Variants in PPP1R10 observed in about 807,000 individuals in gnomAD.
PPP1R10 encodes the protein protein phosphatase 1 regulatory subunit 10.
Under a neutral mutation model 99.0 loss-of-function variants are expected in PPP1R10, and 15 were observed. The observed-to-expected ratio is 0.15, with a 90% CI of 0.10 to 0.23. The LOEUF (loss-of-function observed/expected upper bound fraction) is 0.23, where lower values mean the gene tolerates loss of function less well. PPP1R10 is among the 10% of genes least tolerant of loss of function. The pLI is 1.00. For synonymous variants in PPP1R10, 430 were observed against 449.5 expected, an observed-to-expected ratio of 0.96 and a Z score of 0.55; for missense variants, 947 against 1,259.4, an observed-to-expected ratio of 0.75 and a Z score of 3.75.
At position 30,603,277 on chromosome 6, in the gene PPP1R10, T is replaced by A; in HGVS notation, c.1776A>T (p.Pro592=). The part of the protein sequence containing the change: ...QEILTSIMGS[P]NSHPSEELLK... ...GTAGTTCCTCTGAAGGATGACTGTT[T>A]GGGCTACCCTGTGAGGATGTAAGAA... The change falls in exon 17 of 20, where the codon CCA becomes CCT. Residue 592 remains proline, a synonymous_variant. Coordinates refer to ENST00000376511, the MANE Select transcript of PPP1R10 (RefSeq NM_002714.4). The A allele has an allele frequency of 6.2e-7, 1 of 1,613,094 alleles. No homozygotes were observed. The highest frequency in any genetic ancestry group is 1.1e-5 in the South Asian group (1 of 91,048).
chr6:30,603,961 G>A (rs1418153250), intron 14 of PPP1R10, 47 bp downstream of exon 14: 1 of 1,540,304 alleles, frequency 6.5e-7, no homozygotes, highest in Admixed American at 2.1e-5. Flanking sequence ...TCCCTCAGGA[G>A]TGTCCAAGCA....
chr6:30,609,055 A>G lies in PPP1R10; in HGVS notation c.194+22T>C. On this transcript the variant is annotated intron_variant, in intron 4 of 19. Coordinates refer to ENST00000376511, the MANE Select transcript of PPP1R10 (RefSeq NM_002714.4). This position sits in a 1 kb window ranked among gnomAD's most constrained non-coding sequence, Gnocchi z 4.5. Reference sequence around the variant, plus strand: ...TCTTTTCGCTACACCTTCCCATTCCAACCATCCAGATCCCCACTTACTTGA... The same window carrying G: ...TCTTTTCGCTACACCTTCCCATTCCGACCATCCAGATCCCCACTTACTTGA... 6.2e-7 allele frequency: 1 copy of G among 1,613,952 alleles called. No individual in the cohort carries two copies. Among genetic ancestry groups the G allele is most frequent in the Non-Finnish European group, 8.5e-7 (1 of 1,179,930 alleles).
In PPP1R10 at chr6:30,604,559, C is replaced by T; in HGVS notation, c.1102+29G>A. The T allele has an allele frequency of 1.9e-6, 3 of 1,612,746 alleles. No homozygotes were observed. Among genetic ancestry groups the T allele is most frequent in the Non-Finnish European group, 2.5e-6 (3 of 1,179,896 alleles). On this transcript the variant is annotated intron_variant, in intron 12 of 19. Transcript: ENST00000376511. The surrounding 1 kb of genome is among the most constrained non-coding windows in gnomAD (Gnocchi z 7.3). ...ACCCAGATCCCTCCTTTCAGAAAAC[C>T]CCCCAAACTGAACCAGTTTCTAGAT...
At chr6:30,608,325 G>A (rs1266979368) in intron 5 of PPP1R10, among the ~76,000 whole-genome samples, 6 of 135,976 alleles carry the variant, frequency 4.4e-5, no homozygotes, top group Admixed American at 1.5e-4. Flanking sequence ...TTTTTGAGAC[G>A]AAGTCTCACT....
At chr6:30,612,849 C>T (rs2267638) in intron 2 of PPP1R10, among the ~76,000 whole-genome samples, 1 of 152,136 alleles carries the variant, frequency 6.6e-6, no homozygotes, top group Non-Finnish European at 1.5e-5. Context: ...TTGATGAAGG[C>T]AGGCAGGGGC....
intron 2 of PPP1R10, among the ~76,000 whole-genome samples, chr6:30,614,768 C>A (rs1760278339): frequency 6.6e-6 from 1 of 151,974 alleles, no homozygotes; most frequent in South Asian, 2.1e-4. Context: ...GTTTTTTCAC[C>A]CCTGGCAGCT....
At chr6:30,607,059 T>TCC (rs1804025906) in intron 6 of PPP1R10, among the ~76,000 whole-genome samples, 3 of 152,258 alleles carry the variant, frequency 2.0e-5, no homozygotes, top group Non-Finnish European at 2.9e-5. Flanking sequence ...TCTACTTGGA[T>TCC]AACTTTCAAC....
chr6:30,601,943 A>G lies in PPP1R10; in HGVS notation c.2706T>C (p.His902=). The G allele has an allele frequency of 2.0e-6, 3 of 1,508,284 alleles. No individual in the cohort carries two copies. Among genetic ancestry groups the G allele is most frequent in the South Asian group, 1.3e-5 (1 of 74,178 alleles). The allele number at this position is 1,508,284 out of a possible 1,614,324, so 93.4% of individuals were successfully genotyped here. A position where few individuals can be genotyped will look rare whatever the true frequency, so the allele number is the denominator to read the frequency against. Residue 902 remains histidine, a synonymous_variant, in exon 19 of 20, where the codon CAT becomes CAC. Coordinates refer to ENST00000376511, the MANE Select transcript of PPP1R10 (RefSeq NM_002714.4). ...GACAGGGAGCATCCTCACCTCCTCC[A>G]TGGCTGTGGCCTCCATCGTGCCCTC... ...GHRGHDGGHS[H]GGDMSNRPVC...
rs1438140751 is a variant in PPP1R10, at chr6:30,604,271, A to G, written c.1262-17T>C. ...TCACATTTACTGTCGGCAGGGGAAG[A>G]AAAGCAAGAGGGAAAGTAAGCACAA... is the stretch of plus-strand genomic sequence containing the variant. On this transcript the variant is annotated splice_polypyrimidine_tract_variant and intron_variant, in intron 13 of 19. Transcript: ENST00000376511. The surrounding 1 kb of genome is among the most constrained non-coding windows in gnomAD (Gnocchi z 7.3). 9.3e-6 allele frequency: 15 copies of G among 1,613,946 alleles called. No individual in the cohort carries two copies. Among genetic ancestry groups the G allele is most frequent in the Non-Finnish European group, 1.3e-5 (15 of 1,179,786 alleles).
chr6:30,607,731 G>T, intron 6 of PPP1R10, 109 bp downstream of exon 6: 1 of 1,208,504 alleles, frequency 8.3e-7, no homozygotes, highest in Non-Finnish European at 1.2e-6. Context: ...AGCAAGGTGA[G>T]GTAGAAAGAG....
rs1803494937 is a variant in PPP1R10 at position 30,602,715 on chromosome 6, ACAGTAT to A, written c.1958-30_1958-25del. On this transcript the variant is annotated intron_variant, in intron 18 of 19. Transcript: ENST00000376511. This position sits in a 1 kb window ranked among gnomAD's most constrained non-coding sequence, Gnocchi z 6.7. ...ACCTGTAAGGGGACAAAAAAGAGAG[ACAGTAT>A]CAGCTACCAGGAACTGCCATCTCCC... 6.2e-7 allele frequency: 1 copy of A among 1,601,838 alleles called. No homozygotes were observed. Among genetic ancestry groups the A allele is most frequent in the Non-Finnish European group, 8.5e-7 (1 of 1,175,300 alleles).
intron 2 of PPP1R10, among the ~76,000 whole-genome samples, chr6:30,612,872 T>C (rs1289023608): frequency 6.6e-6 from 1 of 152,188 alleles, no homozygotes; most frequent in African/African-American, 2.4e-5. Context: ...TGACTAAGTG[T>C]TGTAACATTA....
At position 30,606,272 on chromosome 6, in the gene PPP1R10, T is replaced by C. The variant is rs775359045; in HGVS notation, c.635-29A>G. 2.1e-5 allele frequency: 34 copies of C among 1,610,290 alleles called. No individual in the cohort carries two copies. The highest frequency in any genetic ancestry group is 2.8e-5 in the Non-Finnish European group (33 of 1,177,680). Reference sequence around the variant, plus strand: ...GGGAAAGAAGCACGGTGTGGGCAGCTGAACTCAAACCCCAGACCCCCGAAT... The same window carrying C: ...GGGAAAGAAGCACGGTGTGGGCAGCCGAACTCAAACCCCAGACCCCCGAAT... On this transcript the variant is annotated intron_variant, in intron 8 of 19. Coordinates refer to ENST00000376511, the MANE Select transcript of PPP1R10 (RefSeq NM_002714.4). The surrounding 1 kb of genome is among the most constrained non-coding windows in gnomAD (Gnocchi z 6.3).
At chr6:30,607,776 T>C (rs1804103981) in intron 6 of PPP1R10, 64 bp downstream of exon 6, 1 of 1,521,620 alleles carries the variant, frequency 6.6e-7, no homozygotes, top group Non-Finnish European at 9.1e-7. Context: ...TGGGAAAAGA[T>C]ATTAAGGTAA....
In PPP1R10 at chr6:30,602,085, C is replaced by G. The variant is rs1803380065; in HGVS notation, c.2564G>C (p.Gly855Ala). 6.3e-7 allele frequency: 1 copy of G among 1,580,592 alleles called. No individual in the cohort carries two copies. Among genetic ancestry groups the G allele is most frequent in the Admixed American group, 1.7e-5 (1 of 58,008 alleles). The change falls in exon 19 of 20, where the codon GGG becomes GCG. Residue 855 changes from glycine to alanine, a missense_variant. Transcript: ENST00000376511. This position sits in a 1 kb window ranked among gnomAD's most constrained non-coding sequence, Gnocchi z 6.7. The stretch of plus-strand genomic sequence containing the variant: ...ATCATGAGGCCGGTGGCCATGGGGC[C>G]CCCCGTGTCCAGGGCCTTCATGGGG... ...HRPHEGPGHG[G>A]PHGHRPHDVP...
chr6:30,602,892 GGGGCCCCCA>G lies in PPP1R10; in HGVS notation c.1902_1910del (p.Gly635_Pro637del). On this transcript the variant is annotated inframe_deletion, in exon 18 of 20. Coordinates refer to ENST00000376511, the MANE Select transcript of PPP1R10 (RefSeq NM_002714.4). This position sits in a 1 kb window ranked among gnomAD's most constrained non-coding sequence, Gnocchi z 6.7. Reference sequence around the variant, plus strand: ...CAGGGGGAAAGTGCTGCATGCCCTTGGGGCCCCCAGGACCCCCTGGTGGGAAACCATTGG... The same window carrying G: ...CAGGGGGAAAGTGCTGCATGCCCTTGGGACCCCCTGGTGGGAAACCATTGG... 1 of 1,556,500 alleles carries G rather than the reference GGGGCCCCCA, an allele frequency of 6.4e-7. No individual in the cohort carries two copies. Among genetic ancestry groups the G allele is most frequent in the African/African-American group, 1.4e-5 (1 of 73,368 alleles).
chr6:30,604,042 C>G lies in PPP1R10; in HGVS notation c.1474G>C (p.Gly492Arg). 1 of 1,610,138 alleles carries G rather than the reference C, an allele frequency of 6.2e-7. No individual in the cohort carries two copies. Among genetic ancestry groups the G allele is most frequent in the East Asian group, 2.2e-5 (1 of 44,820 alleles). The change falls in exon 14 of 20, where the codon GGA becomes CGA. Residue 492 changes from glycine (G) to arginine (R), a missense_variant. By Grantham distance (125) the Gly-to-Arg change is moderately radical. Coordinates refer to ENST00000376511, the MANE Select transcript of PPP1R10 (RefSeq NM_002714.4). The surrounding 1 kb of genome is among the most constrained non-coding windows in gnomAD (Gnocchi z 7.3). ...TTCAGGAAGAGCTCCTGAAGGATTC[C>G]CTTCTCCCGCTCAGCCTGGATATAT... ...ERYIQAEREK[G>R]ILQELFLNKE...
At chr6:30,611,902 T>C (rs1044010693) in intron 2 of PPP1R10, among the ~76,000 whole-genome samples, 4 of 152,182 alleles carry the variant, frequency 2.6e-5, no homozygotes, top group Admixed American at 2.6e-4. Flanking sequence ...AGTGTGGTGA[T>C]TCCTACACAC....
rs1803523571 is a variant in PPP1R10, at chr6:30,602,948, G to A, written c.1855C>T (p.Leu619Phe). The A allele has an allele frequency of 6.5e-7, 1 of 1,549,200 alleles. No homozygotes were observed. The highest frequency in any genetic ancestry group is 8.7e-7 in the Non-Finnish European group (1 of 1,145,834). The change falls in exon 18 of 20, where the codon CTC (leucine) becomes TTC (phenylalanine). Residue 619 changes from leucine (L) to phenylalanine (F), a missense_variant. Leu to Phe is a conservative substitution (Grantham distance 22). Around this residue, in one of 10 missense-constraint regions of PPP1R10, gnomAD observed 525 missense variants for 578.8 expected, o/e 0.91. Transcript: ENST00000376511. This position sits in a 1 kb window ranked among gnomAD's most constrained non-coding sequence, Gnocchi z 6.7. ...KIKQMLVPHG[L>F]LGPGPIANGF... is the part of the protein sequence containing the mutation. ...TTGGCTATTGGGCCAGGGCCTAGGA[G>A]TCCATGTGGCACTGTTAATGAAAAC...
Sources: allele counts gnomAD v4.1 joint callset (sites outside exome capture counted in the v4.1 genomes callset), GRCh38; gene constraint gnomAD v4.1.1; regional missense constraint gnomAD v4.1.1; non-coding constraint Gnocchi (gnomAD v3.1); transcripts MANE v1.5; gene names NCBI Gene and HGNC (gene_info 2026-07-23, HGNC 2026-07-21).